COL14A1: variants seen among roughly 807,000 people sequenced by gnomAD.
COL14A1 encodes collagen type XIV alpha 1 chain, also known as collagen alpha-1(XIV) chain.
Under a neutral mutation model 230.3 loss-of-function variants are expected in COL14A1, and 136 were observed. The observed-to-expected ratio is 0.59, with a 90% CI of 0.51 to 0.68. The LOEUF (loss-of-function observed/expected upper bound fraction) is 0.68. COL14A1 is among the 30% of genes least tolerant of loss of function. The pLI is 0.00. For synonymous variants in COL14A1, 792 were observed against 784.1 expected (o/e 1.01, Z -0.17); for missense variants, 1,976 against 2,215.8 (o/e 0.89, Z 2.17).
At chr8:120,167,356 T>G (rs1815937109) in intron 4 of COL14A1, among the ~76,000 whole-genome samples, 1 of 150,396 alleles carries the variant, frequency 6.6e-6, no homozygotes, top group African/African-American at 2.4e-5. Flanking sequence ...ATGAAATGAA[T>G]GTAGCAATTA....
intron 30 of COL14A1, 58 bp downstream of exon 30, chr8:120,280,807 GA>G: frequency 6.4e-7 from 1 of 1,559,698 alleles, no homozygotes; most frequent in Non-Finnish European, 8.7e-7. Context: ...CTCAATTGGG[GA>G]TGGGGTTTCT....
intron 11 of COL14A1, among the ~76,000 whole-genome samples, 186 bp downstream of exon 11, chr8:120,208,547 A>G (rs1304119426): frequency 6.6e-6 from 1 of 152,178 alleles, no homozygotes; most frequent in Non-Finnish European, 1.5e-5. Flanking sequence ...TGCCGGTGCT[A>G]TGTCTTGAAA....
At chr8:120,333,918 T>C (rs1821957699) in intron 42 of COL14A1, among the ~76,000 whole-genome samples, 2 of 152,240 alleles carry the variant, frequency 1.3e-5, no homozygotes, top group South Asian at 4.1e-4. Context: ...TGTGATTACA[T>C]TCAGGCCACT....
At chr8:120,217,615 CAT>C (rs570654680) in intron 14 of COL14A1, among the ~76,000 whole-genome samples, 4 of 152,078 alleles carry the variant, frequency 2.6e-5, no homozygotes, top group Non-Finnish European at 4.4e-5. Flanking sequence ...CATTTGCTAA[CAT>C]ATAGAAATAC....
At chr8:120,249,623 G>T (rs1381483633) in intron 21 of COL14A1, among the ~76,000 whole-genome samples, 2 of 152,168 alleles carry the variant, frequency 1.3e-5, no homozygotes, top group African/African-American at 4.8e-5. Context: ...AGACATTTTT[G>T]ATTGTTACAA....
intron 1 of COL14A1, among the ~76,000 whole-genome samples, chr8:120,125,896 C>G (rs1814318575): frequency 6.6e-6 from 1 of 152,146 alleles, no homozygotes; most frequent in Non-Finnish European, 1.5e-5. Context: ...GAACCAGGCG[C>G]TGGACGCAAA....
intron 5 of COL14A1, among the ~76,000 whole-genome samples, chr8:120,170,440 T>C (rs1816061719): frequency 6.6e-6 from 1 of 152,072 alleles, no homozygotes; most frequent in Non-Finnish European, 1.5e-5. Context: ...TCTAAACATC[T>C]GGAGATTTTA....
At position 120,285,892 on chromosome 8, in the gene COL14A1, T is replaced by C; in HGVS notation, c.3999T>C (p.Tyr1333=). ...NGGKTLTYFN[Y]DQSGDFQTVT... ...GGAAAACTCTAACATATTTCAACTA[T>C]GACCAGAGTGGGGATTTTCAAACTG... The change falls in exon 33 of 48, where the codon TAT becomes TAC. Residue 1333 remains tyrosine (Y), a synonymous_variant. Coordinates refer to ENST00000297848, the MANE Select transcript of COL14A1 (RefSeq NM_021110.4). The C allele has an allele frequency of 6.2e-7, 1 of 1,609,466 alleles. No homozygotes were observed. Among genetic ancestry groups the C allele is most frequent in the African/African-American group, 1.3e-5 (1 of 74,890 alleles).
chr8:120,196,156 T>A (rs1817031776), intron 5 of COL14A1, among the ~76,000 whole-genome samples: 1 of 152,188 alleles, frequency 6.6e-6, no homozygotes, highest in Non-Finnish European at 1.5e-5. Context: ...ATTTACATGA[T>A]CTTTAGGAGC....
chr8:120,297,504 A>G lies in COL14A1; in HGVS notation c.4237-7A>G. ...TATTGAATGACAATTTTCTTTTTAA[A>G]TCATAGTTCCAGTTACAGATGTTTG... On this transcript the variant is annotated splice_region_variant and splice_polypyrimidine_tract_variant and intron_variant, in intron 34 of 47. Transcript: ENST00000297848. 1 of 1,425,486 alleles carries G rather than the reference A, an allele frequency of 7.0e-7. No individual in the cohort carries two copies. The allele number at this position is 1,425,486 out of a possible 1,614,324, so 88.3% of individuals were successfully genotyped here.
Position 120,227,296 on chromosome 8 carries a change from T to C in COL14A1, c.2081T>C (p.Leu694Ser), listed in dbSNP as rs753438431. 1.9e-6 allele frequency: 3 copies of C among 1,614,116 alleles called. No individual in the cohort carries two copies. In the Admixed American group the frequency reaches 5.0e-5, roughly 27 times the overall value. The stretch of plus-strand genomic sequence containing the variant: ...GGTACGGAGTATGAAGTTTCACTAT[T>C]GGCCGTACTTGATGATGGAAGCGAG... ...EPGTEYEVSL[L>S]AVLDDGSESE... The change falls in exon 17 of 48, where the codon TTG becomes TCG. Residue 694 changes from leucine to serine, a missense_variant. Leu to Ser is a moderately radical substitution (Grantham distance 145). This residue lies in a region of COL14A1 where 1,791 missense variants were observed against 2,019.5 expected (regional missense o/e 0.89). Coordinates refer to ENST00000297848, the MANE Select transcript of COL14A1 (RefSeq NM_021110.4).
At chr8:120,360,800 G>T (rs1465814096) in intron 45 of COL14A1, among the ~76,000 whole-genome samples, 1 of 152,180 alleles carries the variant, frequency 6.6e-6, no homozygotes, top group Non-Finnish European at 1.5e-5. Flanking sequence ...GGGCTAGGCA[G>T]TTTATGTTGT....
At chr8:120,160,924 C>G (rs1337918192) in intron 3 of COL14A1, among the ~76,000 whole-genome samples, 1 of 152,010 alleles carries the variant, frequency 6.6e-6, no homozygotes, top group Admixed American at 6.5e-5. Context: ...AATCTCAAAG[C>G]CTTTAATAAA....
intron 1 of COL14A1, among the ~76,000 whole-genome samples, chr8:120,129,977 C>G (rs1318916595): frequency 6.6e-6 from 1 of 152,190 alleles, no homozygotes; most frequent in African/African-American, 2.4e-5. Flanking sequence ...GGCCATGAAA[C>G]TAGCTGGAGA....
chr8:120,128,198 C>A (rs764336752), intron 1 of COL14A1, among the ~76,000 whole-genome samples: 2 of 148,360 alleles, frequency 1.3e-5, no homozygotes, highest in Non-Finnish European at 3.0e-5. Context: ...CATCCTGTTC[C>A]TGTGACGTGT....
At chr8:120,125,823 A>T (rs1202704001) in intron 1 of COL14A1, among the ~76,000 whole-genome samples, 1 of 152,112 alleles carries the variant, frequency 6.6e-6, no homozygotes, top group Non-Finnish European at 1.5e-5. Flanking sequence ...CTGCTGATGG[A>T]GATCATAGGG....
chr8:120,256,346 AT>A, intron 23 of COL14A1, among the ~76,000 whole-genome samples: 2 of 152,308 alleles, frequency 1.3e-5, no homozygotes, highest in South Asian at 4.1e-4. Flanking sequence ...CATAAATCCC[AT>A]TTTTGATCCA....
At position 120,247,712 on chromosome 8, in the gene COL14A1, G is replaced by C. The variant is rs1290961266; in HGVS notation, c.2579G>C (p.Arg860Thr). 6.2e-7 allele frequency: 1 copy of C among 1,613,978 alleles called. No homozygotes were observed. The highest frequency in any genetic ancestry group is 1.3e-5 in the African/African-American group (1 of 74,924). The change falls in exon 21 of 48, where the codon AGA becomes ACA. Residue 860 changes from arginine to threonine, a missense_variant. By Grantham distance (71) the Arg-to-Thr change is moderately conservative. Coordinates refer to ENST00000297848, the MANE Select transcript of COL14A1 (RefSeq NM_021110.4). ...CCATCTTCCCCGGTGAAAGGCTATA[G>C]AATTGTCTACAAACCTGTCAGTGGT... ...DPPSSPVKGY[R>T]IVYKPVSVPG...
At chr8:120,147,456 C>G (rs986438063) in intron 1 of COL14A1, among the ~76,000 whole-genome samples, 1 of 152,070 alleles carries the variant, frequency 6.6e-6, no homozygotes, top group African/African-American at 2.4e-5. Flanking sequence ...ATGGGAGGAA[C>G]ACATTACTGG....
Sources: gnomAD v4.1 joint callset for allele counts (sites outside exome capture counted in the v4.1 genomes callset) on GRCh38, gnomAD v4.1.1 for gene constraint, gnomAD v4.1.1 regional missense constraint, MANE v1.5 for transcripts, NCBI Gene and HGNC (gene_info 2026-07-23, HGNC 2026-07-21) for gene names.